SNTG1: variants seen among roughly 807,000 people sequenced by gnomAD.
SNTG1 encodes the protein syntrophin gamma 1, also known as gamma-1-syntrophin.
A neutral mutation model predicts 74.7 loss-of-function variants in SNTG1; 39 were observed. That is an observed-to-expected ratio of 0.52 (90% CI 0.40 to 0.68). The LOEUF (loss-of-function observed/expected upper bound fraction) is 0.68, where lower values mean the gene tolerates loss of function less well. Ranked by LOEUF, SNTG1 falls within the 30% of genes least tolerant of loss-of-function variation. SNTG1 has a pLI of 0.00. For synonymous variants in SNTG1, 254 were observed against 217.1 expected, an observed-to-expected ratio of 1.17 and a Z score of -1.49; for missense variants, 685 against 609.5, an observed-to-expected ratio of 1.12 and a Z score of -1.30.
At chr8:50,746,756 A>G (rs2095555911) in intron 17 of SNTG1, among the ~76,000 whole-genome samples, 1 of 150,454 alleles carries the variant, frequency 6.6e-6, no homozygotes, top group Non-Finnish European at 1.5e-5. Flanking sequence ...AGTGGATATG[A>G]ACTTTCTGAT....
At chr8:50,603,477 G>T (rs1361365386) in intron 13 of SNTG1, among the ~76,000 whole-genome samples, 1 of 152,084 alleles carries the variant, frequency 6.6e-6, no homozygotes, top group Non-Finnish European at 1.5e-5. Flanking sequence ...CTTTGTGAAA[G>T]GTCATACATC....
intron 2 of SNTG1, among the ~76,000 whole-genome samples, chr8:50,208,431 C>T (rs879120511): frequency 2.0e-5 from 3 of 152,040 alleles, no homozygotes; most frequent in Admixed American, 6.6e-5. Flanking sequence ...TCTTCCATCC[C>T]TTTATTTTGA....
chr8:50,046,207 G>C (rs1055909632), intron 1 of SNTG1, among the ~76,000 whole-genome samples: 21 of 152,038 alleles, frequency 1.4e-4, no homozygotes, highest in African/African-American at 5.1e-4. Flanking sequence ...TTAGCTACAG[G>C]CCATAAGTAA....
At position 50,454,526 on chromosome 8, in the gene SNTG1, A is replaced by AACAAC. The variant is rs1418820106; in HGVS notation, c.363+3799_363+3803dup. On this transcript the variant is annotated intron_variant, in intron 8 of 18. Coordinates refer to ENST00000642720, the MANE Select transcript of SNTG1 (RefSeq NM_018967.5). ...TAAACAAACAAACAAAACAAAACAA[A>AACAAC]ACAACAACAACAAAATTGTCTGAGT... 1.5e-4 allele frequency among the ~76,000 whole-genome samples: 22 copies of AACAAC among 150,234 alleles called. 1 individual carries two copies. Among genetic ancestry groups the AACAAC allele is most frequent in the Non-Finnish European group, 3.0e-5 (2 of 67,686 alleles).
chr8:50,781,431 T>C (rs1386489815), intron 18 of SNTG1, among the ~76,000 whole-genome samples: 1 of 152,200 alleles, frequency 6.6e-6, no homozygotes, highest in Non-Finnish European at 1.5e-5. Context: ...GCTCTTCTTG[T>C]TGAATTGATC....
At chr8:50,297,048 T>C (rs1269426213) in intron 2 of SNTG1, among the ~76,000 whole-genome samples, 1 of 152,186 alleles carries the variant, frequency 6.6e-6, no homozygotes. Context: ...TTAGAATACA[T>C]GGCAGTGCCC....
chr8:49,915,927 G>A (rs910429161), intron 1 of SNTG1, among the ~76,000 whole-genome samples: 1 of 152,076 alleles, frequency 6.6e-6, no homozygotes, highest in African/African-American at 2.4e-5. Context: ...CGAATAAGCA[G>A]TATTTCATTG....
At chr8:50,188,195 C>A (rs1299672776) in intron 2 of SNTG1, among the ~76,000 whole-genome samples, 1 of 152,154 alleles carries the variant, frequency 6.6e-6, no homozygotes, top group African/African-American at 2.4e-5. Context: ...GAGGTCTACC[C>A]ACATGCTCCT....
chr8:50,399,396 C>T lies in SNTG1; in HGVS notation c.28-2814C>T, dbSNP rs1039611513. ...TATTTAAGTGAATGATAGCTTTGGC[C>T]ATATAGAAATTAAATGAGAACACCC... On this transcript the variant is annotated intron_variant, in intron 3 of 18. Transcript: ENST00000642720. Among the ~76,000 whole-genome samples, 7 of 152,226 alleles carry T rather than the reference C, an allele frequency of 4.6e-5. No homozygotes were observed. The East Asian group carries it at 1.2e-3, about 25-fold the overall frequency.
intron 1 of SNTG1, among the ~76,000 whole-genome samples, chr8:49,916,378 G>A (rs927293567): frequency 4.6e-5 from 7 of 151,928 alleles, no homozygotes; most frequent in Non-Finnish European, 1.0e-4. Flanking sequence ...ATCATTTTGG[G>A]TCTCCTGAAT....
At chr8:50,174,550 G>A (rs978599955) in intron 2 of SNTG1, among the ~76,000 whole-genome samples, 1 of 152,038 alleles carries the variant, frequency 6.6e-6, no homozygotes, top group Non-Finnish European at 1.5e-5. Flanking sequence ...TTTCCCCAAA[G>A]CAAAAATAAC....
intron 5 of SNTG1, among the ~76,000 whole-genome samples, chr8:50,444,866 A>G (rs910547445): frequency 6.6e-6 from 1 of 152,162 alleles, no homozygotes; most frequent in Non-Finnish European, 1.5e-5. Context: ...TTCAAAGACC[A>G]TTACATTTTT....
chr8:50,224,738 A>G (rs1254702689), intron 2 of SNTG1, among the ~76,000 whole-genome samples: 1 of 152,152 alleles, frequency 6.6e-6, no homozygotes, highest in African/African-American at 2.4e-5. Context: ...GGCATAGCTG[A>G]CCAGCATTAA....
chr8:50,357,184 C>T (rs987024256), intron 2 of SNTG1, among the ~76,000 whole-genome samples: 2 of 152,124 alleles, frequency 1.3e-5, no homozygotes, highest in Admixed American at 1.3e-4. Flanking sequence ...GCTCCTTCCC[C>T]TCAGTCACCA....
chr8:50,491,335 C>T (rs1438264166), intron 8 of SNTG1: 1 of 152,302 alleles, frequency 6.6e-6, no homozygotes, highest in East Asian at 1.9e-4. Flanking sequence ...TTAAGTTGTA[C>T]ACTTTATTAT....
chr8:50,155,277 T>G (rs776992767), intron 1 of SNTG1, among the ~76,000 whole-genome samples: 2 of 152,162 alleles, frequency 1.3e-5, no homozygotes, highest in Non-Finnish European at 2.9e-5. Flanking sequence ...CAGGTTCACA[T>G]GATCAGTTGG....
intron 1 of SNTG1, among the ~76,000 whole-genome samples, chr8:49,997,300 C>A (rs189654988): frequency 6.6e-6 from 1 of 152,214 alleles, no homozygotes; most frequent in East Asian, 1.9e-4. Context: ...TCCATAAATT[C>A]TTTCCTTTTT....
At chr8:50,235,058 A>AGAAATGCTGAC (rs1396219222) in intron 2 of SNTG1, among the ~76,000 whole-genome samples, 1 of 152,142 alleles carries the variant, frequency 6.6e-6, no homozygotes, top group Admixed American at 6.5e-5. Context: ...CAAAAATTTA[A>AGAAATGCTGAC]GAAATGCTGA....
chr8:49,987,349 A>C (rs1277024186), intron 1 of SNTG1, among the ~76,000 whole-genome samples: 1 of 152,236 alleles, frequency 6.6e-6, no homozygotes, highest in Non-Finnish European at 1.5e-5. Context: ...AAAATTATAA[A>C]ACAAAAGTAA....
Sources: allele counts gnomAD v4.1 joint callset (sites outside exome capture counted in the v4.1 genomes callset), GRCh38; gene constraint gnomAD v4.1.1; transcripts MANE v1.5; gene names NCBI Gene and HGNC (gene_info 2026-07-23, HGNC 2026-07-21).